The following CALM2 variants were observed in gnomAD, a reference collection of about 807,000 sequenced individuals.
CALM2 encodes the protein calmodulin 2.
A neutral mutation model predicts 19.8 loss-of-function variants in CALM2; 2 were observed. The ratio of observed to expected loss-of-function variants is 0.10; its 90% CI spans 0.04 to 0.32. The LOEUF (loss-of-function observed/expected upper bound fraction) is 0.32, where lower values mean the gene tolerates loss of function less well. CALM2 is among the 10% of genes least tolerant of loss of function. The pLI is 1.00. For synonymous variants in CALM2, 51 were observed against 52.1 expected (o/e 0.98, Z 0.09); for missense variants, 38 against 178.7 (o/e 0.21, Z 4.49).
At chr2:47,162,769 G>T in intron 2 of CALM2, 107 bp from the exon 3 acceptor site, 1 of 928,940 alleles carries the variant, frequency 1.1e-6, no homozygotes, top group Non-Finnish European at 1.6e-6. Context: ...GATCGTGCCA[G>T]TGAACAGCCA....
chr2:47,176,165 C>A, intron 1 of CALM2: 1 of 501,330 alleles, frequency 2.0e-6, no homozygotes, highest in Non-Finnish European at 3.6e-6. Flanking sequence ...CATCCCGGAC[C>A]CATCCTCCTC....
intron 1 of CALM2, chr2:47,171,099 T>C (rs1046108384): frequency 1.5e-5 from 3 of 205,242 alleles, no homozygotes; most frequent in African/African-American, 4.6e-5. Flanking sequence ...TCCCACTGAA[T>C]CAAAATGCTT....
intron 2 of CALM2, among the ~76,000 whole-genome samples, chr2:47,165,492 ACTAT>A (rs1666435691): frequency 6.6e-6 from 1 of 152,160 alleles, no homozygotes; most frequent in Non-Finnish European, 1.5e-5. Context: ...CAAGATAAAG[ACTAT>A]CTCATTTTTT....
In CALM2 at chr2:47,162,643, T is replaced by C; in HGVS notation, c.54A>G (p.Ser18=). 6.2e-7 allele frequency: 1 copy of C among 1,600,572 alleles called. No homozygotes were observed. The highest frequency in any genetic ancestry group is 1.3e-5 in the African/African-American group (1 of 74,276). Residue 18 remains serine (S), a synonymous_variant, in exon 3 of 6, where the codon TCA becomes TCG. Coordinates refer to ENST00000272298, the MANE Select transcript of CALM2 (RefSeq NM_001743.6). ...TTCCATCACCATCTTTGTCAAATAG[T>C]GAAAAAGCTTCTTTGAATTCTGTTT... is the stretch of plus-strand genomic sequence containing the variant. ...EQIAEFKEAF[S]LFDKDGDGTI...
intron 2 of CALM2, among the ~76,000 whole-genome samples, chr2:47,168,556 T>A (rs538978568): frequency 6.6e-6 from 1 of 151,836 alleles, no homozygotes; most frequent in Non-Finnish European, 1.5e-5. Flanking sequence ...CTGACCAACA[T>A]GGAGAAACCC....
At chr2:47,167,995 T>C (rs886721500) in intron 2 of CALM2, among the ~76,000 whole-genome samples, 4 of 151,806 alleles carry the variant, frequency 2.6e-5, no homozygotes, top group African/African-American at 9.7e-5. Context: ...CACTGAAATA[T>C]ACCAAATTTG....
At position 47,175,081 on chromosome 2, in the gene CALM2, G is replaced by GTTTTTTTTTTTTTTTT. The variant is rs563702873; in HGVS notation, c.3+1344_3+1359dup. Among the ~76,000 whole-genome samples the GTTTTTTTTTTTTTTTT allele has an allele frequency of 1.8e-4, 14 of 77,942 alleles. 1 individual carries two copies. Among genetic ancestry groups the GTTTTTTTTTTTTTTTT allele is most frequent in the African/African-American group, 7.3e-4 (8 of 10,898 alleles). 51.1% of individuals were successfully genotyped at this position (77,942 alleles called of 152,430 possible). ...TCACAGATCACCGCCCTCATTAGGT[G>GTTTTTTTTTTTTTTTT]TTTTTTTTTTTTTTTTTCAGGAAAG... On this transcript the variant is annotated intron_variant, in intron 1 of 5. Coordinates refer to ENST00000272298, the MANE Select transcript of CALM2 (RefSeq NM_001743.6).
intron 1 of CALM2, chr2:47,171,778 C>G (rs1202383315): frequency 6.6e-6 from 1 of 151,968 alleles, no homozygotes; most frequent in Non-Finnish European, 1.5e-5. Context: ...ATGATTAATC[C>G]ATTCATTTAT....
chr2:47,166,520 C>T (rs756449001), intron 2 of CALM2, among the ~76,000 whole-genome samples: 1 of 152,036 alleles, frequency 6.6e-6, no homozygotes, highest in Non-Finnish European at 1.5e-5. Context: ...AAAATAAAAC[C>T]GTATCTATGC....
Position 47,166,463 on chromosome 2 carries a change from A to T in CALM2, c.35-3801T>A, listed in dbSNP as rs374957251. Among the ~76,000 whole-genome samples, 5 of 152,356 alleles carry T rather than the reference A, an allele frequency of 3.3e-5. No individual in the cohort carries two copies. The East Asian group carries it at 7.7e-4, about 23-fold the overall frequency. ...CTATGTATAACTTTCGAGAAATTTA[A>T]AAATCTAATAACACTTAAAATGTTT... On this transcript the variant is annotated intron_variant, in intron 2 of 5. Coordinates refer to ENST00000272298, the MANE Select transcript of CALM2 (RefSeq NM_001743.6).
At chr2:47,174,810 T>C (rs1488503052) in intron 1 of CALM2, among the ~76,000 whole-genome samples, 1 of 152,172 alleles carries the variant, frequency 6.6e-6, no homozygotes, top group African/African-American at 2.4e-5. Context: ...TGTAACTACA[T>C]CTTTAAGAAA....
At chr2:47,175,074 A>T (rs1429349844) in intron 1 of CALM2, among the ~76,000 whole-genome samples, 2 of 34,722 alleles carry the variant, frequency 5.8e-5, no homozygotes, top group African/African-American at 2.0e-4. Flanking sequence ...CACCGCCCTC[A>T]TTAGGTGTTT....
Position 47,175,972 on chromosome 2 carries a change from G to T in CALM2, c.3+469C>A, listed in dbSNP as rs958881121. 2.6e-5 allele frequency among the ~76,000 whole-genome samples: 4 copies of T among 151,632 alleles called. No individual in the cohort carries two copies. The South Asian group carries it at 8.3e-4, about 31-fold the overall frequency. On this transcript the variant is annotated intron_variant, in intron 1 of 5. Transcript: ENST00000272298. ...CCCCAGGGCCCCGCGCGCTCCTCCC[G>T]CCCCCTGGGCGCATGGCGGCCGCAA...
At chr2:47,161,894 T>C in intron 4 of CALM2, 36 bp from the exon 5 acceptor site, 2 of 1,564,000 alleles carry the variant, frequency 1.3e-6, no homozygotes, top group Non-Finnish European at 1.7e-6. Context: ...TGAGTCAAAT[T>C]ACAGACTTGA....
chr2:47,167,267 A>C (rs1666505141), intron 2 of CALM2, among the ~76,000 whole-genome samples: 1 of 152,216 alleles, frequency 6.6e-6, no homozygotes, highest in Non-Finnish European at 1.5e-5. Context: ...AGGAAAAAAT[A>C]CTGTACATTT....
intron 2 of CALM2, among the ~76,000 whole-genome samples, chr2:47,167,951 C>T (rs1666542263): frequency 6.6e-6 from 1 of 151,336 alleles, no homozygotes. Context: ...TACAATTTAC[C>T]AGATTAAAAA....
At chr2:47,163,202 C>T (rs1366112505) in intron 2 of CALM2, 1 of 152,578 alleles carries the variant, frequency 6.6e-6, no homozygotes, top group Non-Finnish European at 1.5e-5. Context: ...AAATCAATCA[C>T]CTACTAAATT....
intron 2 of CALM2, among the ~76,000 whole-genome samples, chr2:47,169,709 G>A (rs752138246): frequency 5.9e-5 from 9 of 152,140 alleles, no homozygotes; most frequent in Non-Finnish European, 1.3e-4. Flanking sequence ...GAGGTGACTA[G>A]TGTAATTCTG....
Position 47,160,752 on chromosome 2 carries a change from T to G in CALM2, c.*24A>C. The G allele has an allele frequency of 1.4e-6, 2 of 1,386,044 alleles. No individual in the cohort carries two copies. Among genetic ancestry groups the G allele is most frequent in the African/African-American group, 3.0e-5 (2 of 67,410 alleles). The allele number at this position is 1,386,044 out of a possible 1,614,324, so 85.9% of individuals were successfully genotyped here. A position where few individuals can be genotyped will look rare whatever the true frequency, so the allele number is the denominator to read the frequency against. ...CAAATAAACAATTTTGTACAAGAAA[T>G]TTAACACATTCTGTACAAGGTCTTC... On this transcript the variant is annotated 3_prime_UTR_variant, in exon 6 of 6. Coordinates refer to ENST00000272298, the MANE Select transcript of CALM2 (RefSeq NM_001743.6).
Sources: allele counts gnomAD v4.1 joint callset (sites outside exome capture counted in the v4.1 genomes callset), GRCh38; gene constraint gnomAD v4.1.1; transcripts MANE v1.5; gene names NCBI Gene and HGNC (gene_info 2026-07-23, HGNC 2026-07-21).